FNBP1: variants seen among roughly 807,000 people sequenced by gnomAD.
FNBP1 encodes formin-binding protein 1.
A neutral mutation model predicts 90.6 loss-of-function variants in FNBP1; 26 were observed. The ratio of observed to expected loss-of-function variants is 0.29; its 90% CI spans 0.21 to 0.40. The LOEUF is 0.40. FNBP1 is among the 10% of genes least tolerant of loss of function. The pLI, the probability that FNBP1 is intolerant of heterozygous loss-of-function variation, is 1.00. For synonymous variants in FNBP1, 260 were observed against 265.2 expected (o/e 0.98, Z 0.19); for missense variants, 635 against 768.0 (o/e 0.83, Z 2.05).
At chr9:129,946,546 G>T (rs1196543596) in intron 6 of FNBP1, among the ~76,000 whole-genome samples, 1 of 152,158 alleles carries the variant, frequency 6.6e-6, no homozygotes, top group African/African-American at 2.4e-5. Flanking sequence ...CAATGAATTA[G>T]AATGAAGAGG....
At chr9:130,022,051 G>A (rs1016775628) in intron 1 of FNBP1, among the ~76,000 whole-genome samples, 1 of 152,060 alleles carries the variant, frequency 6.6e-6, no homozygotes, top group Non-Finnish European at 1.5e-5. Flanking sequence ...TAGAGACAAG[G>A]TCTCACCATG....
chr9:129,955,541 A>T (rs544141396), intron 6 of FNBP1, among the ~76,000 whole-genome samples: 313 of 151,752 alleles, frequency 2.1e-3, no homozygotes, highest in African/African-American at 7.3e-3. Flanking sequence ...ACACCAAAAA[A>T]AAAAAAAAAA....
At chr9:130,020,220 T>C (rs1210040667) in intron 1 of FNBP1, among the ~76,000 whole-genome samples, 1 of 152,190 alleles carries the variant, frequency 6.6e-6, no homozygotes, top group Non-Finnish European at 1.5e-5. Context: ...CTTTTTCGTT[T>C]CTTTTGAGAT....
At chr9:130,004,758 C>T (rs1406092411) in intron 1 of FNBP1, among the ~76,000 whole-genome samples, 2 of 152,082 alleles carry the variant, frequency 1.3e-5, no homozygotes, top group Non-Finnish European at 2.9e-5. Context: ...CTTACAGAAA[C>T]GTAGAAAGTT....
intron 13 of FNBP1, among the ~76,000 whole-genome samples, chr9:129,901,617 A>T (rs2036955444): frequency 6.6e-6 from 1 of 151,978 alleles, no homozygotes; most frequent in Admixed American, 6.6e-5. Context: ...TTCTGAAAAG[A>T]ATGGAAAAAG....
At chr9:129,964,308 T>C (rs889061149) in intron 4 of FNBP1, among the ~76,000 whole-genome samples, 2 of 152,138 alleles carry the variant, frequency 1.3e-5, no homozygotes, top group African/African-American at 2.4e-5. Context: ...AATGAAGTCA[T>C]CACAGCTCCT....
chr9:129,932,296 GAAAGA>G (rs374252096), intron 6 of FNBP1, among the ~76,000 whole-genome samples: 158 of 151,802 alleles, frequency 1.0e-3, no homozygotes, highest in East Asian at 4.8e-3. Flanking sequence ...AAGGAAGGAA[GAAAGA>G]AAAGAAAAGA....
intron 1 of FNBP1, among the ~76,000 whole-genome samples, chr9:130,037,519 C>T (rs912739189): frequency 6.6e-6 from 1 of 152,170 alleles, no homozygotes; most frequent in Admixed American, 6.5e-5. Flanking sequence ...AAAATTTCGA[C>T]ACACTAGGGA....
intron 1 of FNBP1, among the ~76,000 whole-genome samples, chr9:130,021,032 G>A (rs1244740530): frequency 6.6e-6 from 1 of 152,036 alleles, no homozygotes; most frequent in African/African-American, 2.4e-5. Context: ...AAACAGAAGA[G>A]AATAAAACAT....
At chr9:130,001,962 A>C (rs2054916798) in intron 1 of FNBP1, among the ~76,000 whole-genome samples, 1 of 150,520 alleles carries the variant, frequency 6.6e-6, no homozygotes, top group Non-Finnish European at 1.5e-5. Flanking sequence ...TTGGAGGCAG[A>C]GGTTGCAATG....
intron 4 of FNBP1, among the ~76,000 whole-genome samples, chr9:129,976,459 C>A (rs575348070): frequency 5.5e-4 from 84 of 152,270 alleles, no homozygotes; most frequent in African/African-American, 2.0e-3. Context: ...TTGTTTTAAA[C>A]CAATGGGTTG....
chr9:130,015,286 A>G (rs1464637385), intron 1 of FNBP1, among the ~76,000 whole-genome samples: 1 of 152,212 alleles, frequency 6.6e-6, no homozygotes, highest in Non-Finnish European at 1.5e-5. Context: ...AGGTCTTTAC[A>G]GTACAGAGCT....
At chr9:129,958,911 A>AGG (rs1182159453) in intron 4 of FNBP1, among the ~76,000 whole-genome samples, 1 of 139,540 alleles carries the variant, frequency 7.2e-6, no homozygotes, top group African/African-American at 2.6e-5. Flanking sequence ...AAGTCCAGGG[A>AGG]GGTTGACACT....
rs576419082 is a variant in FNBP1 at position 129,986,133 on chromosome 9, C to A, written c.141-6759G>T. Among the ~76,000 whole-genome samples, 12 of 151,402 alleles carry A rather than the reference C, an allele frequency of 7.9e-5. No homozygotes were observed. In the South Asian group the frequency reaches 1.5e-3, roughly 18 times the overall value. ...CCTGGGCAACAGAGTGAGACTTTGTCTTAAAAAAAAATTAAATAATAAATA... is the reference window on the plus strand; with the variant it reads ...CCTGGGCAACAGAGTGAGACTTTGTATTAAAAAAAAATTAAATAATAAATA... On this transcript the variant is annotated intron_variant, in intron 2 of 16. Coordinates refer to ENST00000446176, the MANE Select transcript of FNBP1 (RefSeq NM_015033.3).
intron 6 of FNBP1, among the ~76,000 whole-genome samples, chr9:129,942,833 G>C (rs1253251928): frequency 9.4e-6 from 1 of 106,510 alleles, no homozygotes; most frequent in African/African-American, 3.6e-5. Context: ...CTGCCATTTG[G>C]CTTTTTTCTT....
chr9:129,902,229 G>A (rs979840005), intron 13 of FNBP1, among the ~76,000 whole-genome samples: 1 of 152,046 alleles, frequency 6.6e-6, no homozygotes, highest in Non-Finnish European at 1.5e-5. Context: ...TTGATTCACT[G>A]GGATAACGGA....
chr9:129,921,101 A>G (rs2041015585), intron 10 of FNBP1, among the ~76,000 whole-genome samples: 2 of 152,170 alleles, frequency 1.3e-5, no homozygotes, highest in Non-Finnish European at 2.9e-5. Flanking sequence ...TCTTAACCTG[A>G]TATGATAGAT....
intron 2 of FNBP1, among the ~76,000 whole-genome samples, chr9:129,981,615 T>C (rs1403790238): frequency 6.6e-6 from 1 of 152,086 alleles, no homozygotes; most frequent in African/African-American, 2.4e-5. Flanking sequence ...CTGTAACAAA[T>C]GCTACTAGAT....
intron 1 of FNBP1, among the ~76,000 whole-genome samples, chr9:130,034,923 G>A (rs999321155): frequency 2.0e-5 from 3 of 152,136 alleles, no homozygotes. Context: ...AAGGTGGAAG[G>A]ATCACTTGAG....
Sources: allele counts gnomAD v4.1 joint callset (sites outside exome capture counted in the v4.1 genomes callset), GRCh38; gene constraint gnomAD v4.1.1; transcripts MANE v1.5; gene names NCBI Gene and HGNC (gene_info 2026-07-23, HGNC 2026-07-21).